The following KIAA1217 variants were observed in gnomAD, a reference collection of about 807,000 sequenced individuals.
KIAA1217 encodes the protein sickle tail protein homolog.
KIAA1217 carries 88 observed loss-of-function variants against 163.9 expected under a neutral mutation model. The observed-to-expected ratio is 0.54, with a 90% confidence interval of 0.45 to 0.64. KIAA1217 has a LOEUF of 0.64. Among genes scored for constraint, KIAA1217 ranks in the 30% least tolerant of loss-of-function variants. KIAA1217 has a pLI of 0.00. For synonymous variants in KIAA1217, 903 were observed against 923.1 expected (o/e 0.98, Z 0.39); for missense variants, 2,372 against 2,475.0 (o/e 0.96, Z 0.88).
rs1332453775 is a variant in KIAA1217, at chr10:24,450,992, TTTTAG to T, written c.846+12514_846+12518del. 2.0e-5 allele frequency among the ~76,000 whole-genome samples: 3 copies of T among 152,356 alleles called. No homozygotes were observed. The East Asian group carries it at 5.8e-4, about 29-fold the overall frequency. On this transcript the variant is annotated intron_variant, in intron 5 of 20. Transcript: ENST00000376454. ...TTTACTTTTCTGGAATTTTATTTTA[TTTTAG>T]ATCTGTAGCATCCAAAACCTAGTAT...
chr10:23,741,050 T>C (rs777269148), intron 1 of KIAA1217, among the ~76,000 whole-genome samples: 26 of 152,224 alleles, frequency 1.7e-4, no homozygotes, highest in Non-Finnish European at 3.1e-4. Context: ...TTCTGTAGTT[T>C]AGCTGTCCAG....
intron 2 of KIAA1217, among the ~76,000 whole-genome samples, chr10:24,250,754 T>G (rs1406513869): frequency 7.0e-6 from 1 of 142,742 alleles, no homozygotes; most frequent in East Asian, 2.2e-4. Flanking sequence ...CCTGGCCACA[T>G]TTGTCAACTT....
rs183255564 is a variant in KIAA1217 at position 24,226,649 on chromosome 10, A to T, written c.354+6740A>T. Among the ~76,000 whole-genome samples, 327 of 151,952 alleles carry T rather than the reference A, an allele frequency of 2.2e-3. 1 individual carries two copies. The highest frequency in any genetic ancestry group is 9.3e-3 in the East Asian group (48 of 5,172). On this transcript the variant is annotated intron_variant, in intron 2 of 20. Coordinates refer to ENST00000376454, the MANE Select transcript of KIAA1217 (RefSeq NM_019590.5). ...AGAGCGAGACTCCATCTCAAAAAAA[A>T]AATAATAATAATAAATAAATAAAGG...
At chr10:24,296,071 A>G (rs1202026317) in intron 2 of KIAA1217, among the ~76,000 whole-genome samples, 1 of 152,052 alleles carries the variant, frequency 6.6e-6, no homozygotes, top group Non-Finnish European at 1.5e-5. Context: ...GTCAGCCCCC[A>G]TCTCAGATAT....
At chr10:23,973,457 T>C (rs1564577616) in intron 1 of KIAA1217, among the ~76,000 whole-genome samples, 1 of 152,232 alleles carries the variant, frequency 6.6e-6, no homozygotes, top group African/African-American at 2.4e-5. Context: ...GAATCAGATC[T>C]ACCTGAATCT....
intron 2 of KIAA1217, among the ~76,000 whole-genome samples, chr10:24,071,833 C>A (rs907409804): frequency 1.3e-5 from 2 of 151,950 alleles, no homozygotes; most frequent in South Asian, 2.1e-4. Flanking sequence ...AAATGGGGAA[C>A]TATAACACAG....
chr10:23,797,371 T>C (rs1211460361), intron 1 of KIAA1217, among the ~76,000 whole-genome samples: 1 of 152,158 alleles, frequency 6.6e-6, no homozygotes, highest in Non-Finnish European at 1.5e-5. Flanking sequence ...GAGACTGAAT[T>C]TGTGAGAGAA....
At chr10:24,315,269 T>C (rs909123906) in intron 2 of KIAA1217, among the ~76,000 whole-genome samples, 6 of 152,108 alleles carry the variant, frequency 3.9e-5, no homozygotes, top group Non-Finnish European at 5.9e-5. Context: ...AAGATGGAAC[T>C]GGGGGCCTAG....
At chr10:23,897,569 G>C (rs1050699922) in intron 1 of KIAA1217, among the ~76,000 whole-genome samples, 1 of 152,002 alleles carries the variant, frequency 6.6e-6, no homozygotes, top group Non-Finnish European at 1.5e-5. Context: ...ATGGAGCCAG[G>C]GTACCTGGGG....
chr10:23,880,569 T>A (rs528412193), intron 1 of KIAA1217, among the ~76,000 whole-genome samples: 12 of 152,006 alleles, frequency 7.9e-5, no homozygotes, highest in Admixed American at 2.6e-4. Flanking sequence ...GTAAAAAAAA[T>A]TTAATTGTTC....
chr10:24,100,761 T>C (rs1008943780), intron 2 of KIAA1217, among the ~76,000 whole-genome samples: 6 of 152,272 alleles, frequency 3.9e-5, no homozygotes, highest in Non-Finnish European at 7.3e-5. Context: ...GTTTTTATTA[T>C]TTAGATCTTA....
At chr10:24,141,203 T>C (rs2064052217) in intron 2 of KIAA1217, among the ~76,000 whole-genome samples, 1 of 148,638 alleles carries the variant, frequency 6.7e-6, no homozygotes, top group Non-Finnish European at 1.5e-5. Context: ...AAGGAGTCTC[T>C]TAATGCTCAG....
At chr10:24,150,453 A>G (rs1367459415) in intron 2 of KIAA1217, among the ~76,000 whole-genome samples, 1 of 152,238 alleles carries the variant, frequency 6.6e-6, no homozygotes, top group Non-Finnish European at 1.5e-5. Context: ...ACTGTGGAGT[A>G]TGGGCCAGAC....
intron 2 of KIAA1217, among the ~76,000 whole-genome samples, chr10:24,197,780 G>A (rs12242449): frequency 2.6e-5 from 4 of 152,134 alleles, no homozygotes; most frequent in African/African-American, 7.2e-5. Flanking sequence ...TCTCCACACA[G>A]ATTTATCTCA....
At chr10:24,033,015 A>T (rs1356306708) in intron 2 of KIAA1217, among the ~76,000 whole-genome samples, 1 of 152,224 alleles carries the variant, frequency 6.6e-6, no homozygotes, top group African/African-American at 2.4e-5. Context: ...GTTGGTTCAG[A>T]TAAGTCGTTC....
At chr10:23,970,742 C>T (rs910666487) in intron 1 of KIAA1217, among the ~76,000 whole-genome samples, 1 of 152,186 alleles carries the variant, frequency 6.6e-6, no homozygotes, top group South Asian at 2.1e-4. Flanking sequence ...ATAGACCCCT[C>T]CTCTCTGCCA....
intron 1 of KIAA1217, among the ~76,000 whole-genome samples, chr10:23,733,123 C>T (rs1020729947): frequency 1.3e-5 from 2 of 151,964 alleles, no homozygotes; most frequent in Admixed American, 6.6e-5. Flanking sequence ...AAGTAATTCT[C>T]ATGCCTCAGC....
At chr10:23,910,017 G>A (rs1842361366) in intron 1 of KIAA1217, among the ~76,000 whole-genome samples, 1 of 152,084 alleles carries the variant, frequency 6.6e-6, no homozygotes, top group Non-Finnish European at 1.5e-5. Context: ...ATCTCATTGT[G>A]GTTTTGATTT....
At chr10:24,297,915 G>A (rs1476469949) in intron 2 of KIAA1217, among the ~76,000 whole-genome samples, 1 of 151,422 alleles carries the variant, frequency 6.6e-6, no homozygotes, top group African/African-American at 2.4e-5. Flanking sequence ...TAGGACAAAG[G>A]CCAGGGATAC....
Sources: allele counts gnomAD v4.1 joint callset (sites outside exome capture counted in the v4.1 genomes callset), GRCh38; gene constraint gnomAD v4.1.1; transcripts MANE v1.5; gene names NCBI Gene and HGNC (gene_info 2026-07-23, HGNC 2026-07-21).